The following DPF3 variants were observed in gnomAD, a reference collection of about 807,000 sequenced individuals.
DPF3 encodes the protein double PHD fingers 3, also known as zinc finger protein DPF3.
In DPF3, 18 loss-of-function variants were observed where a neutral mutation model predicts 56.8. The observed-to-expected ratio is 0.32, with a 90% confidence interval of 0.22 to 0.47. The LOEUF is 0.47. Ranked by LOEUF, DPF3 falls within the 20% of genes least tolerant of loss-of-function variation. The probability of loss-of-function intolerance (pLI) is 1.00; values close to 1 mark genes in which losing one functional copy is unlikely to be tolerated. For synonymous variants in DPF3, 188 were observed against 180.2 expected, an observed-to-expected ratio of 1.04 and a Z score of -0.35; for missense variants, 403 against 488.8, an observed-to-expected ratio of 0.82 and a Z score of 1.65.
intron 2 of DPF3, among the ~76,000 whole-genome samples, chr14:72,761,019 A>G (rs183920861): frequency 2.6e-4 from 38 of 145,828 alleles, no homozygotes; most frequent in Admixed American, 1.3e-4. Context: ...GAATCAATTT[A>G]TTGAGGATAT....
intron 1 of DPF3, chr14:72,773,993 C>T (rs1891652956): frequency 2.2e-6 from 1 of 454,268 alleles, no homozygotes; most frequent in Non-Finnish European, 4.4e-6. Flanking sequence ...TTTTCAAAAC[C>T]CTGCTTTCAG....
chr14:72,637,095 T>C (rs1178352724), intron 8 of DPF3, among the ~76,000 whole-genome samples: 2 of 152,198 alleles, frequency 1.3e-5, no homozygotes, highest in Admixed American at 6.5e-5. Flanking sequence ...TAAATAACCA[T>C]ACAAAGCACA....
At chr14:72,623,877 T>A (rs1332050746) in intron 9 of DPF3, among the ~76,000 whole-genome samples, 2 of 152,188 alleles carry the variant, frequency 1.3e-5, no homozygotes, top group African/African-American at 4.8e-5. Flanking sequence ...GAGAAATAAG[T>A]GATTCCAGGT....
intron 1 of DPF3, among the ~76,000 whole-genome samples, chr14:72,868,325 A>G (rs1885760913): frequency 6.6e-6 from 1 of 152,146 alleles, no homozygotes; most frequent in Non-Finnish European, 1.5e-5. Context: ...AGTCTCCTCA[A>G]TTGCATTTTT....
At chr14:72,693,266 C>A in intron 6 of DPF3, 53 bp from the exon 7 acceptor site, 3 of 1,575,596 alleles carry the variant, frequency 1.9e-6, no homozygotes, top group Non-Finnish European at 2.6e-6. Flanking sequence ...GCAACCTGTG[C>A]AGCCACCGCT....
At chr14:72,771,522 A>G (rs553915941) in intron 2 of DPF3, among the ~76,000 whole-genome samples, 2 of 151,462 alleles carry the variant, frequency 1.3e-5, no homozygotes, top group Non-Finnish European at 2.9e-5. Context: ...CATGGCTTCA[A>G]TGCCCCACAC....
At chr14:72,652,766 G>A (rs781372392) in intron 8 of DPF3, among the ~76,000 whole-genome samples, 14 of 151,632 alleles carry the variant, frequency 9.2e-5, no homozygotes, top group Non-Finnish European at 1.8e-4. Flanking sequence ...ATGAACAGTG[G>A]GCCCCAGAAT....
intron 1 of DPF3, among the ~76,000 whole-genome samples, chr14:72,870,067 T>C (rs1885837464): frequency 6.6e-6 from 1 of 152,148 alleles, no homozygotes; most frequent in African/African-American, 2.4e-5. Flanking sequence ...GAAAAAACTT[T>C]GGACAGTTAA....
intron 1 of DPF3, among the ~76,000 whole-genome samples, chr14:72,809,536 G>A (rs1439807600): frequency 6.6e-6 from 1 of 152,260 alleles, no homozygotes; most frequent in Non-Finnish European, 1.5e-5. Context: ...ACACCAGGGA[G>A]GAAAGAAGTG....
At chr14:72,803,532 G>A (rs1478485995) in intron 1 of DPF3, among the ~76,000 whole-genome samples, 1 of 152,200 alleles carries the variant, frequency 6.6e-6, no homozygotes, top group Non-Finnish European at 1.5e-5. Flanking sequence ...TTAGATACAA[G>A]ACACAAGCCC....
At chr14:72,776,897 C>T (rs954818178) in intron 1 of DPF3, among the ~76,000 whole-genome samples, 7 of 152,100 alleles carry the variant, frequency 4.6e-5, no homozygotes, top group Admixed American at 6.6e-5. Context: ...GGCTATGCTG[C>T]CCTCCCTCTC....
At chr14:72,781,174 G>C (rs548084880) in intron 1 of DPF3, among the ~76,000 whole-genome samples, 1 of 152,320 alleles carries the variant, frequency 6.6e-6, no homozygotes, top group East Asian at 1.9e-4. Context: ...AGCTGGTTTT[G>C]TTTCTGTGGG....
At chr14:72,869,486 A>G (rs951627418) in intron 1 of DPF3, among the ~76,000 whole-genome samples, 33 of 152,308 alleles carry the variant, frequency 2.2e-4, no homozygotes, top group Middle Eastern at 3.4e-3. Context: ...TGAAAAATTC[A>G]TAATGCAAAT....
rs117694570 is a variant in DPF3 at position 72,887,578 on chromosome 14, A to G, written c.32+6479T>C. 8.5e-5 allele frequency among the ~76,000 whole-genome samples: 13 copies of G among 152,366 alleles called. No individual in the cohort carries two copies. In the East Asian group the frequency reaches 2.5e-3, roughly 29 times the overall value. On this transcript the variant is annotated intron_variant, in intron 1 of 10. Transcript: ENST00000556509. ...AGAAAAAATCAGAACTCTGGCCCCT[A>G]GCTGTCCTCTCTGTCCTAATCCACC...
intron 1 of DPF3, among the ~76,000 whole-genome samples, chr14:72,865,060 C>A (rs1259846117): frequency 1.3e-5 from 2 of 152,144 alleles, no homozygotes; most frequent in East Asian, 3.9e-4. Context: ...TCAATTCATT[C>A]AGGATGGAAG....
intron 8 of DPF3, among the ~76,000 whole-genome samples, chr14:72,646,659 C>T (rs1265941058): frequency 6.6e-6 from 1 of 152,228 alleles, no homozygotes; most frequent in African/African-American, 2.4e-5. Flanking sequence ...TTCCTTCAAA[C>T]ACACATCCCA....
At chr14:72,727,534 C>T (rs939566213) in intron 4 of DPF3, among the ~76,000 whole-genome samples, 1 of 151,418 alleles carries the variant, frequency 6.6e-6, no homozygotes, top group Non-Finnish European at 1.5e-5. Context: ...TGAGATTGTA[C>T]CATTGCACTC....
chr14:72,680,969 C>T (rs192080153), intron 7 of DPF3, among the ~76,000 whole-genome samples: 1 of 152,326 alleles, frequency 6.6e-6, no homozygotes, highest in Non-Finnish European at 1.5e-5. Context: ...CCAGAGGAAC[C>T]CAGCCTTTCA....
At chr14:72,709,306 G>A (rs938167578) in intron 6 of DPF3, among the ~76,000 whole-genome samples, 2 of 152,202 alleles carry the variant, frequency 1.3e-5, no homozygotes, top group African/African-American at 4.8e-5. Flanking sequence ...CGTGACTCAG[G>A]AGTGAGTCAT....
Sources: gnomAD v4.1 joint callset for allele counts (sites outside exome capture counted in the v4.1 genomes callset) on GRCh38, gnomAD v4.1.1 for gene constraint, MANE v1.5 for transcripts, NCBI Gene and HGNC (gene_info 2026-07-23, HGNC 2026-07-21) for gene names.